ZCCHC10: variants seen among roughly 807,000 people sequenced by gnomAD.
ZCCHC10 encodes zinc finger CCHC-type containing 10, also known as zinc finger CCHC domain-containing protein 10.
In ZCCHC10, 16 loss-of-function variants were observed where a neutral mutation model predicts 19.5. The ratio of observed to expected loss-of-function variants is 0.82; its 90% CI spans 0.56 to 1.25. The LOEUF (loss-of-function observed/expected upper bound fraction) is 1.25. Among genes scored for constraint, ZCCHC10 ranks in the 50% most tolerant of loss-of-function variants. The pLI, the probability that ZCCHC10 is intolerant of heterozygous loss-of-function variation, is 0.00. For missense variants in ZCCHC10, 197 were observed against 201.0 expected, an observed-to-expected ratio of 0.98 and a Z score of 0.12; for synonymous variants, 67 against 72.5, an observed-to-expected ratio of 0.92 and a Z score of 0.38.
At chr5:133,018,138 C>G (rs1340060812) in intron 2 of ZCCHC10, among the ~76,000 whole-genome samples, 3 of 123,438 alleles carry the variant, frequency 2.4e-5, no homozygotes, top group African/African-American at 1.1e-4. Context: ...AAGTGAGAAT[C>G]TGTCTCAAAA....
At position 132,998,951 on chromosome 5, in the gene ZCCHC10, T is replaced by C. The variant is rs1762596482; in HGVS notation, c.312-101A>G. 3.4e-6 allele frequency: 5 copies of C among 1,473,212 alleles called. No individual in the cohort carries two copies. In the Admixed American group the frequency reaches 6.2e-5, roughly 18 times the overall value. The allele number at this position is 1,473,212 out of a possible 1,614,324, so 91.3% of individuals were successfully genotyped here. A position where few individuals can be genotyped will look rare whatever the true frequency, so the allele number is the denominator to read the frequency against. On this transcript the variant is annotated intron_variant, in intron 4 of 4. Coordinates refer to ENST00000509437, the MANE Select transcript of ZCCHC10 (RefSeq NM_001300816.3). ...TTCTTTTCGAGACAGAGTCTTGCTC[T>C]GTTGCCCAGTGTGGAGTGCAGTGGC...
At chr5:133,025,611 C>T (rs977194704) in intron 1 of ZCCHC10, among the ~76,000 whole-genome samples, 19 of 150,926 alleles carry the variant, frequency 1.3e-4, no homozygotes, top group Admixed American at 3.3e-4. Flanking sequence ...GTTCATTAGG[C>T]GTAATGGCTA....
In ZCCHC10 at chr5:133,025,503, CAAAAAAAAAAAAAAAAAA is replaced by C. The variant is rs74843776; in HGVS notation, c.41+976_41+993del. On this transcript the variant is annotated intron_variant, in intron 1 of 4. Coordinates refer to ENST00000509437, the MANE Select transcript of ZCCHC10 (RefSeq NM_001300816.3). ...TGGGAGACAGAGCAAGACTCCGCCTCAAAAAAAAAAAAAAAAAAAAAAAAAAAAAAGAAAGGGGCATCT... is the reference window on the plus strand; with the variant it reads ...TGGGAGACAGAGCAAGACTCCGCCTCAAAAAAAAAAAAGAAAGGGGCATCT... Among the ~76,000 whole-genome samples, 8 of 18,658 alleles carry C rather than the reference CAAAAAAAAAAAAAAAAAA, an allele frequency of 4.3e-4. No individual in the cohort carries two copies. The East Asian group carries it at 0.017, about 39-fold the overall frequency. The allele number at this position is 18,658 out of a possible 152,430, so 12.2% of individuals were successfully genotyped here. A position where few individuals can be genotyped will look rare whatever the true frequency, so the allele number is the denominator to read the frequency against.
intron 2 of ZCCHC10, among the ~76,000 whole-genome samples, chr5:133,011,818 C>T (rs575697907): frequency 6.6e-6 from 1 of 151,932 alleles, no homozygotes; most frequent in African/African-American, 2.4e-5. Flanking sequence ...GGGTGCAGAA[C>T]TTAACAAGCT....
intron 2 of ZCCHC10, among the ~76,000 whole-genome samples, chr5:133,017,363 A>C (rs1763993277): frequency 6.8e-6 from 1 of 147,462 alleles, no homozygotes; most frequent in Non-Finnish European, 1.5e-5. Context: ...AAATGTCCAT[A>C]GCATGATTTT....
At chr5:133,007,494 G>C (rs2126579644) in intron 2 of ZCCHC10, among the ~76,000 whole-genome samples, 1 of 151,832 alleles carries the variant, frequency 6.6e-6, no homozygotes, top group East Asian at 1.9e-4. Context: ...AGTGAGCCAA[G>C]GTTGCACCAC....
At chr5:133,016,475 C>T (rs1460823411) in intron 2 of ZCCHC10, among the ~76,000 whole-genome samples, 2 of 151,816 alleles carry the variant, frequency 1.3e-5, no homozygotes, top group South Asian at 2.1e-4. Flanking sequence ...CGGAGTTTTG[C>T]GCCTGTGCCC....
intron 2 of ZCCHC10, among the ~76,000 whole-genome samples, chr5:133,019,945 C>G (rs1337018839): frequency 7.3e-6 from 1 of 137,144 alleles, no homozygotes; most frequent in African/African-American, 3.0e-5. Flanking sequence ...CAGTGAGACT[C>G]CAGCTCAAAA....
intron 1 of ZCCHC10, among the ~76,000 whole-genome samples, chr5:133,025,085 A>C (rs954135202): frequency 3.3e-5 from 5 of 152,166 alleles, no homozygotes; most frequent in Admixed American, 1.3e-4. Flanking sequence ...TATACAGATA[A>C]ACACACATAC....
At chr5:133,003,728 C>T (rs1349742473) in intron 3 of ZCCHC10, among the ~76,000 whole-genome samples, 5 of 152,022 alleles carry the variant, frequency 3.3e-5, no homozygotes, top group East Asian at 1.9e-4. Context: ...ATATTTTTGG[C>T]GAGATACAGT....
At chr5:133,014,815 T>G (rs1168834825) in intron 2 of ZCCHC10, among the ~76,000 whole-genome samples, 1 of 152,232 alleles carries the variant, frequency 6.6e-6, no homozygotes, top group East Asian at 1.9e-4. Context: ...TGTATTCTAC[T>G]GATCACACAG....
intron 2 of ZCCHC10, among the ~76,000 whole-genome samples, chr5:133,012,067 G>A (rs1763577331): frequency 6.8e-6 from 1 of 146,120 alleles, no homozygotes; most frequent in Non-Finnish European, 1.5e-5. Context: ...AACCTGGGAG[G>A]CAGAGGTTGC....
rs753561895 is a variant in ZCCHC10 at position 132,998,742 on chromosome 5, G to A, written c.420C>T (p.Asp140=). 1.2e-6 allele frequency: 2 copies of A among 1,614,120 alleles called. No homozygotes were observed. Among genetic ancestry groups the A allele is most frequent in the Non-Finnish European group, 1.7e-6 (2 of 1,180,022 alleles). ...TSTSSSSEDS[D]TDESSSSSSS... is the part of the protein sequence containing the mutation. ...AGGAACTAGAGGAGCTTTCATCAGT[G>A]TCACTGTCCTCTGAGGAGGAAGAGG... is the stretch of plus-strand genomic sequence containing the variant. The change falls in exon 5 of 5, where the codon GAC becomes GAT. Residue 140 remains aspartate, a synonymous_variant. Transcript: ENST00000509437.
chr5:133,014,407 C>T (rs1054895717), intron 2 of ZCCHC10, among the ~76,000 whole-genome samples: 1 of 152,046 alleles, frequency 6.6e-6, no homozygotes, highest in Non-Finnish European at 1.5e-5. Flanking sequence ...TCAGATGATC[C>T]GCCCACCCCA....
At chr5:133,014,786 C>A (rs1014649721) in intron 2 of ZCCHC10, among the ~76,000 whole-genome samples, 1 of 152,198 alleles carries the variant, frequency 6.6e-6, no homozygotes, top group Non-Finnish European at 1.5e-5. Flanking sequence ...GAGTGAATGA[C>A]CAAGACCATC....
chr5:133,019,035 T>C (rs749404852), intron 2 of ZCCHC10: 180 of 447,894 alleles, frequency 4.0e-4, no homozygotes, highest in Middle Eastern at 2.8e-3. Flanking sequence ...CCACCAGACA[T>C]TCTGGAGTTT....
chr5:133,016,103 C>T (rs1052194353), intron 2 of ZCCHC10, among the ~76,000 whole-genome samples: 3 of 152,052 alleles, frequency 2.0e-5, no homozygotes, highest in African/African-American at 7.2e-5. Flanking sequence ...ATTTCTGGTA[C>T]AACAACAAAA....
At chr5:133,019,205 TA>T (rs567363428) in intron 2 of ZCCHC10, 10,408 of 262,058 alleles carry the variant, frequency 0.04, no homozygotes, top group South Asian at 0.071. Context: ...ACACTGTCTC[TA>T]AAAAAAAAAA....
intron 3 of ZCCHC10, among the ~76,000 whole-genome samples, chr5:133,003,872 G>A (rs1038075866): frequency 4.6e-5 from 7 of 152,156 alleles, no homozygotes; most frequent in African/African-American, 1.2e-4. Flanking sequence ...ACCGCACCTA[G>A]CTAATTTTTG....
Sources: allele counts gnomAD v4.1 joint callset (sites outside exome capture counted in the v4.1 genomes callset), GRCh38; gene constraint gnomAD v4.1.1; transcripts MANE v1.5; gene names NCBI Gene and HGNC (gene_info 2026-07-23, HGNC 2026-07-21).